Variants in INPP4B observed in about 807,000 individuals in gnomAD.
INPP4B encodes inositol polyphosphate-4-phosphatase type II B.
In INPP4B, 55 loss-of-function variants were observed where a neutral mutation model predicts 122.5. The observed-to-expected ratio is 0.45, with a 90% CI of 0.36 to 0.56. The LOEUF (loss-of-function observed/expected upper bound fraction) is 0.56. Among genes scored for constraint, INPP4B ranks in the 20% least tolerant of loss-of-function variants. The pLI, the probability that INPP4B is intolerant of heterozygous loss-of-function variation, is 0.00. For synonymous variants in INPP4B, 403 were observed against 388.7 expected (o/e 1.04, Z -0.43); for missense variants, 1,000 against 1,097.7 (o/e 0.91, Z 1.26).
At chr4:142,168,693 ATATT>A (rs1824078898) in intron 16 of INPP4B, among the ~76,000 whole-genome samples, 2 of 151,520 alleles carry the variant, frequency 1.3e-5, no homozygotes, top group African/African-American at 4.8e-5. Flanking sequence ...CTTATTCCTA[ATATT>A]TATTTCTGTG....
chr4:142,528,785 C>A (rs1827239396), intron 2 of INPP4B, among the ~76,000 whole-genome samples: 3 of 152,000 alleles, frequency 2.0e-5, no homozygotes, highest in Non-Finnish European at 4.4e-5. Context: ...CTGTTTTTAC[C>A]TGAAAACATA....
At chr4:142,666,713 C>A (rs772426332) in intron 2 of INPP4B, among the ~76,000 whole-genome samples, 3 of 151,906 alleles carry the variant, frequency 2.0e-5, no homozygotes, top group Non-Finnish European at 4.4e-5. Context: ...TTGTTAATGT[C>A]CAATTACATC....
chr4:142,175,417 T>A (rs1381141245), intron 15 of INPP4B, among the ~76,000 whole-genome samples: 4 of 152,082 alleles, frequency 2.6e-5, no homozygotes, highest in African/African-American at 9.7e-5. Flanking sequence ...ATTTACTTAT[T>A]TAGTAAAAGA....
intron 1 of INPP4B, among the ~76,000 whole-genome samples, chr4:142,824,794 C>CT (rs886790661): frequency 7.1e-6 from 1 of 140,968 alleles, no homozygotes; most frequent in African/African-American, 3.0e-5. Flanking sequence ...AAAAAGGATC[C>CT]TTTTTTGTTA....
intron 11 of INPP4B, among the ~76,000 whole-genome samples, chr4:142,253,424 G>T (rs111617643): frequency 6.6e-6 from 1 of 152,202 alleles, no homozygotes; most frequent in African/African-American, 2.4e-5. Context: ...GGTGATTTCC[G>T]CATTTCCATC....
At chr4:142,684,765 A>T (rs1220588772) in intron 2 of INPP4B, among the ~76,000 whole-genome samples, 1 of 152,042 alleles carries the variant, frequency 6.6e-6, no homozygotes, top group Non-Finnish European at 1.5e-5. Flanking sequence ...TGAAGAGCTG[A>T]GATACATTTA....
chr4:142,407,038 T>G (rs1803559368), intron 5 of INPP4B, among the ~76,000 whole-genome samples: 1 of 151,778 alleles, frequency 6.6e-6, no homozygotes, highest in Non-Finnish European at 1.5e-5. Context: ...AGACTTAGAG[T>G]TTTAAAAAAT....
chr4:142,086,554 A>C (rs991883220), intron 23 of INPP4B, among the ~76,000 whole-genome samples: 5 of 152,000 alleles, frequency 3.3e-5, no homozygotes, highest in African/African-American at 1.2e-4. Flanking sequence ...GGGTTTGGCC[A>C]TTGTCACCCA....
chr4:142,471,397 C>A (rs1486391990), intron 2 of INPP4B, among the ~76,000 whole-genome samples: 2 of 152,136 alleles, frequency 1.3e-5, no homozygotes, highest in Admixed American at 6.5e-5. Flanking sequence ...GTGGATTTGG[C>A]TGTCCAAAAC....
intron 18 of INPP4B, 132 bp from the exon 19 acceptor site, chr4:142,124,892 A>T: frequency 1.4e-6 from 1 of 695,514 alleles, no homozygotes; most frequent in East Asian, 3.0e-5. Flanking sequence ...CAAAGATTAG[A>T]GCTGAAGATC....
intron 25 of INPP4B, among the ~76,000 whole-genome samples, chr4:142,074,454 G>A (rs1317238315): frequency 1.3e-5 from 2 of 152,090 alleles, no homozygotes; most frequent in Non-Finnish European, 2.9e-5. Flanking sequence ...CATGCCTTGT[G>A]GCTTATAAAT....
At chr4:142,350,518 C>A (rs931742674) in intron 7 of INPP4B, among the ~76,000 whole-genome samples, 1 of 152,088 alleles carries the variant, frequency 6.6e-6, no homozygotes, top group Non-Finnish European at 1.5e-5. Context: ...AGGTTTACCT[C>A]ATTCTGCATT....
intron 2 of INPP4B, among the ~76,000 whole-genome samples, chr4:142,468,752 T>A (rs1203344510): frequency 6.6e-6 from 1 of 152,304 alleles, no homozygotes; most frequent in South Asian, 2.1e-4. Context: ...CAGATGCAGG[T>A]GTTCATTCCA....
intron 1 of INPP4B, among the ~76,000 whole-genome samples, chr4:142,834,878 C>T (rs1441702354): frequency 6.6e-6 from 1 of 152,164 alleles, no homozygotes; most frequent in Non-Finnish European, 1.5e-5. Flanking sequence ...GTTCTTGTTG[C>T]TTCAAACACT....
chr4:142,692,309 GAAT>G (rs1447209492), intron 2 of INPP4B, among the ~76,000 whole-genome samples: 1 of 152,150 alleles, frequency 6.6e-6, no homozygotes, highest in Non-Finnish European at 1.5e-5. Context: ...AAAAAATAGA[GAAT>G]ATTAATAGGA....
intron 2 of INPP4B, among the ~76,000 whole-genome samples, chr4:142,545,700 T>TATATATATACAC (rs1491477738): frequency 7.9e-4 from 92 of 116,836 alleles, no homozygotes; most frequent in South Asian, 1.6e-3. Context: ...TATATATGTG[T>TATATATATACAC]ATATATATGT....
At chr4:142,598,720 C>A (rs1188194288) in intron 2 of INPP4B, among the ~76,000 whole-genome samples, 1 of 152,232 alleles carries the variant, frequency 6.6e-6, no homozygotes, top group African/African-American at 2.4e-5. Flanking sequence ...ACCTCAGCAG[C>A]AGCACAACTT....
In INPP4B at chr4:142,815,171, T is replaced by C. The variant is rs533926167; in HGVS notation, c.-254+31038A>G. On this transcript the variant is annotated intron_variant, in intron 1 of 25. Transcript: ENST00000262992. ...GTGTCCTACAAGATGCCTGGACTGG[T>C]ATTCCTCAAAATTTTGAGGTCATTA... Among the ~76,000 whole-genome samples, 7 of 152,278 alleles carry C rather than the reference T, an allele frequency of 4.6e-5. No individual in the cohort carries two copies. In the South Asian group the frequency reaches 1.5e-3, roughly 32 times the overall value.
rs1736512464 is a variant in INPP4B, at chr4:142,024,754, T to C, written c.*4028A>G. The stretch of plus-strand genomic sequence containing the variant: ...CTACTTTTAGCAAATGCCAAAATTA[T>C]AAACTCCAAAATAGATGGTGAAGTA... On this transcript the variant is annotated 3_prime_UTR_variant, in exon 26 of 26. Transcript: ENST00000262992. 6.6e-6 allele frequency: 1 copy of C among 152,144 alleles called. No homozygotes were observed. The highest frequency in any genetic ancestry group is 1.9e-4 in the East Asian group (1 of 5,196). 9.4% of individuals were successfully genotyped at this position (152,144 alleles called of 1,614,324 possible). A position where few individuals can be genotyped will look rare whatever the true frequency, so the allele number is the denominator to read the frequency against.
Sources: allele counts gnomAD v4.1 joint callset (sites outside exome capture counted in the v4.1 genomes callset), GRCh38; gene constraint gnomAD v4.1.1; transcripts MANE v1.5; gene names NCBI Gene and HGNC (gene_info 2026-07-23, HGNC 2026-07-21).